The following PAGE2 variants were observed in gnomAD, a reference collection of about 807,000 sequenced individuals.
The protein encoded by PAGE2 is P antigen family member 2.
Under a neutral mutation model 7.5 loss-of-function variants are expected in PAGE2, and 6 were observed. The ratio of observed to expected loss-of-function variants is 0.80; its 90% CI spans 0.44 to 1.57. The LOEUF (loss-of-function observed/expected upper bound fraction) is 1.57. Ranked by LOEUF, PAGE2 falls within the 40% of genes most tolerant of loss-of-function variation. The probability of loss-of-function intolerance (pLI) is 0.01; values close to 1 mark genes in which losing one functional copy is unlikely to be tolerated. For missense variants in PAGE2, 72 were observed against 76.4 expected (o/e 0.94, Z 0.21); for synonymous variants, 22 against 25.4 (o/e 0.87, Z 0.41).
chrX:55,090,941 C>T (rs1936650010), intron 3 of PAGE2, among the ~76,000 whole-genome samples: 1 of 108,811 alleles, frequency 9.2e-6, no homozygotes, highest in South Asian at 3.9e-4. Context: ...CATCTGTGGA[C>T]ACGTCATGTA....
At chrX:55,090,351 T>TATCTATCTATC in intron 2 of PAGE2, 151 bp from the exon 3 acceptor site, 1 of 573,989 alleles carries the variant, frequency 1.7e-6, no homozygotes, top group Non-Finnish European at 2.8e-6. Context: ...TCTATCTATC[T>TATCTATCTATC]ATCTATCTAT....
intron 3 of PAGE2, among the ~76,000 whole-genome samples, chrX:55,090,976 C>A (rs904847851): frequency 9.1e-6 from 1 of 109,811 alleles, no homozygotes; most frequent in African/African-American, 3.4e-5. Context: ...TTTTAACACA[C>A]CTTTATTGAT....
chrX:55,090,409 GA>G (rs1877702592), intron 2 of PAGE2, 92 bp from the exon 3 acceptor site: 10 of 874,877 alleles, frequency 1.1e-5, no homozygotes, highest in East Asian at 3.4e-5. Context: ...ATATATGTTG[GA>G]AAAATGTCTT....
chrX:55,089,946 G>C (rs759709691), intron 1 of PAGE2, 67 bp from the exon 2 acceptor site: 1 of 839,380 alleles, frequency 1.2e-6, no homozygotes, highest in South Asian at 2.4e-5. Context: ...CCATTTTGCC[G>C]TGGAATGTTC....
rs1197536959 is a variant in PAGE2, at chrX:55,089,052, T to C, written c.-60T>C. Reference sequence around the variant, plus strand: ...CAGAGGTCTGCAAGGAGAGAGAGTGTCTTCATTCTTTCCGCCATCTTGATT... The same window carrying C: ...CAGAGGTCTGCAAGGAGAGAGAGTGCCTTCATTCTTTCCGCCATCTTGATT... On this transcript the variant is annotated 5_prime_UTR_variant, in exon 1 of 5. Transcript: ENST00000374968. 2.7e-5 allele frequency: 3 copies of C among 111,575 alleles called. 1 individual carries two copies. The highest frequency in any genetic ancestry group is 1.0e-4 in the African/African-American group (3 of 29,997). 9.2% of individuals were successfully genotyped at this position (111,575 alleles called of 1,213,427 possible).
intron 1 of PAGE2, among the ~76,000 whole-genome samples, chrX:55,089,580 C>T (rs1476717467): frequency 9.1e-6 from 1 of 109,769 alleles, no homozygotes; most frequent in Non-Finnish European, 1.9e-5. Flanking sequence ...CTCACCTCCG[C>T]CATGGACATC....
chrX:55,090,173 A>G, intron 2 of PAGE2, 69 bp downstream of exon 2: 2 of 1,002,379 alleles, frequency 2.0e-6, no homozygotes, highest in African/African-American at 4.0e-5. Context: ...GAGCTAGTAT[A>G]CATACACTGA....
chrX:55,090,986 T>C (rs941980328), intron 3 of PAGE2, among the ~76,000 whole-genome samples: 4 of 110,130 alleles, frequency 3.6e-5, no homozygotes, highest in African/African-American at 1.4e-4. Flanking sequence ...CCTTTATTGA[T>C]GCTTCCTCAT....
chrX:55,090,431 A>AT (rs1936645790), intron 2 of PAGE2, 71 bp from the exon 3 acceptor site: 1 of 977,177 alleles, frequency 1.0e-6, no homozygotes, highest in Non-Finnish European at 1.4e-6. Context: ...TAGATGTGTG[A>AT]TTCGATGCAC....
At chrX:55,091,267 C>T (rs1263177564) in intron 3 of PAGE2, 65 bp from the exon 4 acceptor site, 5 of 1,191,453 alleles carry the variant, frequency 4.2e-6, no homozygotes, top group Admixed American at 2.3e-5. Context: ...GGAATAAATA[C>T]TATCATTTCC....
intron 4 of PAGE2, 131 bp downstream of exon 4, chrX:55,091,588 C>T: frequency 3.0e-6 from 3 of 1,006,555 alleles, no homozygotes; most frequent in Non-Finnish European, 3.9e-6. Context: ...GTAGTTCAGA[C>T]CCCAAATGGC....
At chrX:55,089,604 G>C (rs1199117970) in intron 1 of PAGE2, among the ~76,000 whole-genome samples, 1 of 108,617 alleles carries the variant, frequency 9.2e-6, no homozygotes, top group South Asian at 3.8e-4. Context: ...GGAAGGAATG[G>C]GCGAGGCTGT....
intron 4 of PAGE2, among the ~76,000 whole-genome samples, chrX:55,091,851 G>GTA (rs1259223205): frequency 1.7e-5 from 1 of 59,324 alleles, no homozygotes; most frequent in Non-Finnish European, 3.4e-5. Flanking sequence ...TTTACAATGT[G>GTA]TATATATATA....
At chrX:55,090,324 GTCTGTCTATCTATCTA>G (rs1569548456) in intron 2 of PAGE2, among the ~76,000 whole-genome samples, 162 bp from the exon 3 acceptor site, 2 of 93,394 alleles carry the variant, frequency 2.1e-5, no homozygotes, top group African/African-American at 8.4e-5. Context: ...GTATCTGTCT[GTCTGTCTATCTATCTA>G]TCTATCTATC....
At chrX:55,090,394 T>C (rs1025723843) in intron 2 of PAGE2, 108 bp from the exon 3 acceptor site, 2 of 745,791 alleles carry the variant, frequency 2.7e-6, no homozygotes, top group Admixed American at 5.6e-5. Flanking sequence ...TGTGTGTATG[T>C]GTTTATATAT....
At position 55,091,427 on chromosome X, in the gene PAGE2, A is replaced by C. The variant is rs1936655246; in HGVS notation, c.289A>C (p.Thr97Pro). ...TGATGTCAGGGAGGGTATTATGCCC[A>C]CTTTTGATCTCACTAAAGTGCTGGA... is the stretch of plus-strand genomic sequence containing the variant. Reference protein sequence around the residue: ...GPDVREGIMPTFDLTKVLEAG... With the variant: ...GPDVREGIMPPFDLTKVLEAG... Residue 97 changes from threonine to proline, a missense_variant, in exon 4 of 5, where the codon ACT (threonine) becomes CCT (proline). Coordinates refer to ENST00000374968, the MANE Select transcript of PAGE2 (RefSeq NM_207339.4). 1.7e-6 allele frequency: 2 copies of C among 1,202,534 alleles called. No homozygotes were observed. Among genetic ancestry groups the C allele is most frequent in the Non-Finnish European group, 2.2e-6 (2 of 893,230 alleles).
chrX:55,091,361 C>G lies in PAGE2; in HGVS notation c.223C>G (p.Leu75Val). Residue 75 changes from leucine to valine, a missense_variant, in exon 4 of 5, where the codon CTG (leucine) becomes GTG (valine). Leu to Val is a conservative substitution (Grantham distance 32). Coordinates refer to ENST00000374968, the MANE Select transcript of PAGE2 (RefSeq NM_207339.4). ...TGACATGGAAGCTTTTCAACAGGAA[C>G]TGGCTCTGCTTAAGATAGAGGATGA... The part of the protein sequence containing the change: ...GPDMEAFQQE[L>V]ALLKIEDEPG... The G allele has an allele frequency of 4.1e-6, 5 of 1,207,540 alleles. No individual in the cohort carries two copies. The highest frequency in any genetic ancestry group is 5.6e-6 in the Non-Finnish European group (5 of 894,506).
intron 3 of PAGE2, among the ~76,000 whole-genome samples, 184 bp from the exon 4 acceptor site, chrX:55,091,148 C>T (rs1410512054): frequency 5.4e-5 from 6 of 111,201 alleles, no homozygotes; most frequent in Non-Finnish European, 1.1e-4. Flanking sequence ...TGTCTAGGGC[C>T]AGCCTTGGGA....
At chrX:55,089,786 G>C (rs1936637285) in intron 1 of PAGE2, among the ~76,000 whole-genome samples, 2 of 110,715 alleles carry the variant, frequency 1.8e-5, no homozygotes, top group South Asian at 7.5e-4. Context: ...AATGTCCTCT[G>C]TCTTTTGCTA....
Sources: allele counts gnomAD v4.1 joint callset (sites outside exome capture counted in the v4.1 genomes callset), GRCh38; gene constraint gnomAD v4.1.1; transcripts MANE v1.5; gene names NCBI Gene and HGNC (gene_info 2026-07-23, HGNC 2026-07-21).